ERI3: variants seen among roughly 807,000 people sequenced by gnomAD.
ERI3 encodes the protein ERI1 exoribonuclease 3.
A neutral mutation model predicts 44.4 loss-of-function variants in ERI3; 18 were observed. The observed-to-expected ratio is 0.41, with a 90% CI of 0.28 to 0.60. The LOEUF is 0.60. Ranked by LOEUF, ERI3 falls within the 20% of genes least tolerant of loss-of-function variation. The probability of loss-of-function intolerance (pLI) is 0.36; values close to 1 mark genes in which losing one functional copy is unlikely to be tolerated. For missense variants in ERI3, 294 were observed against 435.5 expected (o/e 0.68, Z 2.89); for synonymous variants, 183 against 164.8 (o/e 1.11, Z -0.84).
intron 1 of ERI3, chr1:44,353,843 A>C: frequency 1.0e-6 from 1 of 985,302 alleles, no homozygotes; most frequent in Non-Finnish European, 1.2e-6. Context: ...AGAATCTATA[A>C]AGGAAACCTT....
intron 3 of ERI3, among the ~76,000 whole-genome samples, chr1:44,333,779 T>C (rs1646477911): frequency 6.6e-6 from 1 of 152,108 alleles, no homozygotes; most frequent in African/African-American, 2.4e-5. Context: ...ACCCTCCGAA[T>C]CTCTTCTACA....
At chr1:44,261,309 T>G (rs1347650651) in intron 7 of ERI3, among the ~76,000 whole-genome samples, 1 of 152,244 alleles carries the variant, frequency 6.6e-6, no homozygotes, top group Non-Finnish European at 1.5e-5. Flanking sequence ...CGCGAGTCAG[T>G]CTGGAGTGCT....
intron 2 of ERI3, among the ~76,000 whole-genome samples, chr1:44,345,700 A>G (rs1646770340): frequency 6.6e-6 from 1 of 152,348 alleles, no homozygotes; most frequent in Admixed American, 6.5e-5. Context: ...GCATCCCTTC[A>G]AAAGTCATAA....
Position 44,221,152 on chromosome 1 carries a change from G to A in ERI3, c.*406C>T, listed in dbSNP as rs1439207808. ...ACAGCGGGGATGGGGGTAGACACAA[G>A]GTGGGGCCTGATCTGTCCTGGAGCC... On this transcript the variant is annotated 3_prime_UTR_variant, in exon 9 of 9. Coordinates refer to ENST00000372257, the MANE Select transcript of ERI3 (RefSeq NM_024066.3). The surrounding 1 kb of genome is among the most constrained non-coding windows in gnomAD (Gnocchi z 5.9). 1 of 279,424 alleles carries A rather than the reference G, an allele frequency of 3.6e-6. No homozygotes were observed. The allele number at this position is 279,424 out of a possible 1,614,324, so 17.3% of individuals were successfully genotyped here.
chr1:44,333,723 T>C (rs1357365902), intron 3 of ERI3, among the ~76,000 whole-genome samples: 1 of 152,164 alleles, frequency 6.6e-6, no homozygotes, highest in Non-Finnish European at 1.5e-5. Context: ...AAATGTCTCT[T>C]TCACAAAAGA....
intron 2 of ERI3, among the ~76,000 whole-genome samples, chr1:44,347,422 G>A (rs1245027352): frequency 6.6e-6 from 1 of 152,082 alleles, no homozygotes; most frequent in African/African-American, 2.4e-5. Flanking sequence ...CAGGAGGCAG[G>A]GTTATAACCA....
intron 1 of ERI3, chr1:44,354,074 G>A (rs1296390288): frequency 1.0e-6 from 1 of 985,296 alleles, no homozygotes; most frequent in Admixed American, 6.1e-5. Flanking sequence ...GATAAAGTCA[G>A]AATAAAGCAG....
chr1:44,329,308 G>A (rs1010568214), intron 3 of ERI3, among the ~76,000 whole-genome samples: 1 of 152,084 alleles, frequency 6.6e-6, no homozygotes, highest in East Asian at 1.9e-4. Flanking sequence ...ACCTACTTGG[G>A]GACTCCTTGC....
At chr1:44,230,756 C>T (rs1218507266) in intron 8 of ERI3, among the ~76,000 whole-genome samples, 3 of 152,214 alleles carry the variant, frequency 2.0e-5, no homozygotes, top group African/African-American at 7.2e-5. Flanking sequence ...ATATCCTGAC[C>T]TTTTGAGAAA....
intron 4 of ERI3, among the ~76,000 whole-genome samples, chr1:44,317,822 G>A (rs1646122524): frequency 6.6e-6 from 1 of 152,060 alleles, no homozygotes; most frequent in South Asian, 2.1e-4. Flanking sequence ...GACTGTAAGA[G>A]GGCAACCTCT....
chr1:44,292,166 G>A (rs1171042095), intron 6 of ERI3, among the ~76,000 whole-genome samples: 5 of 152,090 alleles, frequency 3.3e-5, no homozygotes, highest in Non-Finnish European at 7.4e-5. Context: ...ACAGTGCCTT[G>A]GTCAGGAAAA....
rs998142191 is a variant in ERI3 at position 44,221,789 on chromosome 1, T to G, written c.932-149A>C. The G allele has an allele frequency of 5.5e-5, 36 of 651,348 alleles. No homozygotes were observed. Among genetic ancestry groups the G allele is most frequent in the Admixed American group, 1.9e-4 (8 of 41,808 alleles). 40.3% of individuals were successfully genotyped at this position (651,348 alleles called of 1,614,324 possible). A position where few individuals can be genotyped will look rare whatever the true frequency, so the allele number is the denominator to read the frequency against. ...TGGTCCCATCCCCTGGTGGCAGCAT[T>G]CCTAGCTTCAGGTTGGTCTGGGTGA... On this transcript the variant is annotated intron_variant, in intron 8 of 8. Transcript: ENST00000372257. This position sits in a 1 kb window ranked among gnomAD's most constrained non-coding sequence, Gnocchi z 5.9.
chr1:44,232,835 C>T (rs1363093226), intron 8 of ERI3, among the ~76,000 whole-genome samples: 1 of 152,106 alleles, frequency 6.6e-6, no homozygotes, highest in African/African-American at 2.4e-5. Flanking sequence ...ACTAGGTACA[C>T]ACTGATTATT....
intron 7 of ERI3, among the ~76,000 whole-genome samples, chr1:44,255,725 C>T (rs1644767051): frequency 2.0e-5 from 3 of 152,170 alleles, no homozygotes; most frequent in African/African-American, 7.2e-5. Flanking sequence ...CCTGGGCTCC[C>T]AAATTGCAGT....
intron 5 of ERI3, among the ~76,000 whole-genome samples, chr1:44,308,981 A>G (rs1405529298): frequency 2.0e-5 from 3 of 152,190 alleles, no homozygotes; most frequent in Admixed American, 6.5e-5. Context: ...CCAGTTGCTA[A>G]AAGTTCAAAA....
At chr1:44,291,673 CAGA>C (rs1414198068) in intron 6 of ERI3, among the ~76,000 whole-genome samples, 2 of 152,202 alleles carry the variant, frequency 1.3e-5, no homozygotes, top group Non-Finnish European at 2.9e-5. Context: ...CCACCTCCAA[CAGA>C]AGATGTCCAG....
At chr1:44,323,144 T>C in intron 3 of ERI3, 1 of 325,934 alleles carries the variant, frequency 3.1e-6, no homozygotes, top group East Asian at 5.5e-5. Flanking sequence ...CCTCTTTCCC[T>C]ATCCTAATAA....
At chr1:44,315,444 C>G (rs1024274001) in intron 4 of ERI3, among the ~76,000 whole-genome samples, 1 of 152,202 alleles carries the variant, frequency 6.6e-6, no homozygotes, top group African/African-American at 2.4e-5. Flanking sequence ...AATGGAAAAC[C>G]AGGGTGCTGC....
intron 4 of ERI3, among the ~76,000 whole-genome samples, chr1:44,315,647 C>A (rs1033681685): frequency 4.6e-4 from 70 of 152,246 alleles, no homozygotes; most frequent in Non-Finnish European, 8.1e-4. Flanking sequence ...CAGACAACAG[C>A]CATTTTCATT....
Sources: allele counts gnomAD v4.1 joint callset (sites outside exome capture counted in the v4.1 genomes callset), GRCh38; gene constraint gnomAD v4.1.1; non-coding constraint Gnocchi (gnomAD v3.1); transcripts MANE v1.5; gene names NCBI Gene and HGNC (gene_info 2026-07-23, HGNC 2026-07-21).